Variants in SMURF1 observed in about 807,000 individuals in gnomAD.
SMURF1 encodes the protein E3 ubiquitin-protein ligase SMURF1.
A neutral mutation model predicts 98.0 loss-of-function variants in SMURF1; 44 were observed. That is an observed-to-expected ratio of 0.45 (90% confidence interval 0.35 to 0.58). The LOEUF is 0.58. Ranked by LOEUF, SMURF1 falls within the 20% of genes least tolerant of loss-of-function variation. The pLI, the probability that SMURF1 is intolerant of heterozygous loss-of-function variation, is 0.00. For missense variants in SMURF1, 687 were observed against 938.4 expected (o/e 0.73, Z 3.50); for synonymous variants, 396 against 374.9 (o/e 1.06, Z -0.65).
chr7:99,073,164 T>G (rs1420877850), intron 1 of SMURF1, among the ~76,000 whole-genome samples: 2 of 151,108 alleles, frequency 1.3e-5, no homozygotes, highest in Non-Finnish European at 2.9e-5. Flanking sequence ...GATCACAAGG[T>G]CAGGAGCTCG....
chr7:99,143,849 G>T lies in SMURF1; in HGVS notation c.-69C>A. ...CCCCAGCCCGGCCCGGCCCGGCCCC[G>T]CCGCCGCCGCCTCAAGGTTACGGCT... On this transcript the variant is annotated 5_prime_UTR_variant, in exon 1 of 18. Coordinates refer to ENST00000361368, the MANE Select transcript of SMURF1 (RefSeq NM_181349.3). 2 of 1,313,826 alleles carry T rather than the reference G, an allele frequency of 1.5e-6. No homozygotes were observed. The highest frequency in any genetic ancestry group is 1.0e-6 in the Non-Finnish European group (1 of 991,544). The allele number at this position is 1,313,826 out of a possible 1,614,324, so 81.4% of individuals were successfully genotyped here.
chr7:99,041,463 C>T (rs996582939), intron 12 of SMURF1, among the ~76,000 whole-genome samples: 4 of 152,186 alleles, frequency 2.6e-5, no homozygotes, highest in East Asian at 1.9e-4. Flanking sequence ...AGGAACCACA[C>T]GTCTCTACTT....
chr7:99,110,248 A>G (rs1474161614), intron 1 of SMURF1, among the ~76,000 whole-genome samples: 1 of 152,252 alleles, frequency 6.6e-6, no homozygotes, highest in African/African-American at 2.4e-5. Context: ...ATTCCTAGAA[A>G]TAAACTTTAG....
intron 13 of SMURF1, among the ~76,000 whole-genome samples, chr7:99,039,295 G>A (rs73145624): frequency 0.029 from 4,404 of 151,512 alleles, 94 homozygotes; most frequent in South Asian, 0.057. Context: ...GTGAAAACTA[G>A]CTCTTGAATC....
At chr7:99,102,951 G>A (rs557220966) in intron 1 of SMURF1, among the ~76,000 whole-genome samples, 5 of 151,952 alleles carry the variant, frequency 3.3e-5, no homozygotes, top group South Asian at 2.1e-4. Flanking sequence ...CCACAGGTGC[G>A]TGCCATCATG....
rs1406982730 is a variant in SMURF1 at position 99,035,397 on chromosome 7, T to C, written c.2011+118A>G. 11 of 1,194,228 alleles carry C rather than the reference T, an allele frequency of 9.2e-6. No homozygotes were observed. In the East Asian group the frequency reaches 2.0e-4, roughly 22 times the overall value. 74.0% of individuals were successfully genotyped at this position (1,194,228 alleles called of 1,614,324 possible). On this transcript the variant is annotated intron_variant, in intron 16 of 17. Transcript: ENST00000361368. ...GCAGAGCATTAGCTACTGGAGAACA[T>C]TCCTTATGCCATTTTCTAGCACACA...
intron 1 of SMURF1, among the ~76,000 whole-genome samples, chr7:99,068,332 C>G (rs1204394001): frequency 6.6e-6 from 1 of 152,198 alleles, no homozygotes; most frequent in Non-Finnish European, 1.5e-5. Context: ...CACTCTCTGC[C>G]CAGTCTAGAG....
chr7:99,077,216 T>C (rs1223444409), intron 1 of SMURF1, among the ~76,000 whole-genome samples: 1 of 151,958 alleles, frequency 6.6e-6, no homozygotes, highest in Non-Finnish European at 1.5e-5. Context: ...ATGAAAAACA[T>C]TTATGAGGAA....
rs568480893 is a variant in SMURF1 at position 99,032,733 on chromosome 7, G to A, written c.2096+304C>T. 9.8e-5 allele frequency among the ~76,000 whole-genome samples: 15 copies of A among 152,296 alleles called. No individual in the cohort carries two copies. In the East Asian group the frequency reaches 2.7e-3, roughly 27 times the overall value. The stretch of plus-strand genomic sequence containing the variant: ...TTTAGGTTATATATACTGTAAGAAA[G>A]ATGTATGTTAAGTTTAGCAATAATG... On this transcript the variant is annotated intron_variant, in intron 17 of 17. Coordinates refer to ENST00000361368, the MANE Select transcript of SMURF1 (RefSeq NM_181349.3).
At chr7:99,051,891 G>A (rs544847908) in intron 7 of SMURF1, among the ~76,000 whole-genome samples, 4 of 152,302 alleles carry the variant, frequency 2.6e-5, no homozygotes, top group East Asian at 1.9e-4. Context: ...GCTCACACCT[G>A]TAATCCCAGC....
intron 1 of SMURF1, among the ~76,000 whole-genome samples, chr7:99,069,552 G>A (rs1257628326): frequency 6.6e-6 from 1 of 152,096 alleles, no homozygotes; most frequent in Admixed American, 6.6e-5. Context: ...TAGGGACAAG[G>A]TCTTACTATG....
At chr7:99,078,763 C>G (rs1323158386) in intron 1 of SMURF1, among the ~76,000 whole-genome samples, 2 of 152,222 alleles carry the variant, frequency 1.3e-5, no homozygotes, top group East Asian at 3.8e-4. Context: ...TCACTGTCTC[C>G]CATCACCCCC....
chr7:99,115,778 C>T (rs1000272056), intron 1 of SMURF1, among the ~76,000 whole-genome samples: 28 of 151,944 alleles, frequency 1.8e-4, no homozygotes, highest in Admixed American at 9.8e-4. Flanking sequence ...ATGAATAGAC[C>T]TATAACAAAC....
Position 99,040,442 on chromosome 7 carries a change from G to A in SMURF1, c.1486C>T (p.Pro496Ser), listed in dbSNP as rs767022261. The A allele has an allele frequency of 6.3e-7, 1 of 1,594,366 alleles. No individual in the cohort carries two copies. Among genetic ancestry groups the A allele is most frequent in the South Asian group, 1.1e-5 (1 of 87,794 alleles). ...GATTCCAGATCTGAGAGCTGGATGG[G>A]CTTCCCCAGCAGCTGCTTGTAGAAG... ...VPFYKQLLGK[P>S]IQLSDLESVD... Residue 496 changes from proline (P) to serine (S), a missense_variant, in exon 13 of 18, where the codon CCC becomes TCC. Physicochemically the swap from Pro to Ser is moderately conservative, Grantham distance 74. Coordinates refer to ENST00000361368, the MANE Select transcript of SMURF1 (RefSeq NM_181349.3).
At chr7:99,056,889 A>C (rs1287030385) in intron 5 of SMURF1, among the ~76,000 whole-genome samples, 1 of 147,690 alleles carries the variant, frequency 6.8e-6, no homozygotes, top group African/African-American at 2.5e-5. Flanking sequence ...TGTGGTCCCA[A>C]GTACTCGGGA....
chr7:99,052,586 T>A, intron 6 of SMURF1, 140 bp from the exon 7 acceptor site: 1 of 955,604 alleles, frequency 1.0e-6, no homozygotes, highest in South Asian at 3.4e-5. Flanking sequence ...TCCAAGGGCC[T>A]AGTTTTGTAA....
chr7:99,035,369 A>G lies in SMURF1; in HGVS notation c.2011+146T>C, dbSNP rs1795095844. 3.9e-6 allele frequency: 4 copies of G among 1,018,704 alleles called. No individual in the cohort carries two copies. In the South Asian group the frequency reaches 6.3e-5, roughly 16 times the overall value. 63.1% of individuals were successfully genotyped at this position (1,018,704 alleles called of 1,614,324 possible). A position where few individuals can be genotyped will look rare whatever the true frequency, so the allele number is the denominator to read the frequency against. ...GCCCCTGCCAGGTAACCACCTCTGTAGGGCAGAGCATTAGCTACTGGAGAA... is the reference window on the plus strand; with the variant it reads ...GCCCCTGCCAGGTAACCACCTCTGTGGGGCAGAGCATTAGCTACTGGAGAA... On this transcript the variant is annotated intron_variant, in intron 16 of 17. Transcript: ENST00000361368.
chr7:99,060,741 A>C, intron 2 of SMURF1, 34 bp from the exon 3 acceptor site: 1 of 1,401,634 alleles, frequency 7.1e-7, no homozygotes, highest in Non-Finnish European at 1.0e-6. Flanking sequence ...CCTAGATGAG[A>C]CCTCACATCC....
intron 1 of SMURF1, among the ~76,000 whole-genome samples, chr7:99,074,637 G>A (rs1796409314): frequency 6.6e-6 from 1 of 152,062 alleles, no homozygotes. Context: ...GAGACAGACT[G>A]GGAGAAAATA....
Sources: gnomAD v4.1 joint callset for allele counts (sites outside exome capture counted in the v4.1 genomes callset) on GRCh38, gnomAD v4.1.1 for gene constraint, MANE v1.5 for transcripts, NCBI Gene and HGNC (gene_info 2026-07-23, HGNC 2026-07-21) for gene names.